The following MAOA variants were observed in gnomAD, a reference collection of about 807,000 sequenced individuals.
MAOA encodes amine oxidase [flavin-containing] A.
Under a neutral mutation model 42.0 loss-of-function variants are expected in MAOA, and 6 were observed. That is an observed-to-expected ratio of 0.14 (90% CI 0.08 to 0.28). The LOEUF (loss-of-function observed/expected upper bound fraction) is 0.28. Ranked by LOEUF, MAOA falls within the 10% of genes least tolerant of loss-of-function variation. The probability of loss-of-function intolerance (pLI) is 1.00; values close to 1 mark genes in which losing one functional copy is unlikely to be tolerated. For missense variants in MAOA, 262 were observed against 422.3 expected, an observed-to-expected ratio of 0.62 and a Z score of 3.33; for synonymous variants, 140 against 154.0, an observed-to-expected ratio of 0.91 and a Z score of 0.67.
intron 5 of MAOA, among the ~76,000 whole-genome samples, chrX:43,721,901 C>T (rs1488111310): frequency 1.8e-5 from 2 of 110,607 alleles, no homozygotes; most frequent in East Asian, 2.8e-4. Flanking sequence ...CATGTGTTCT[C>T]GTTGTTCAAC....
intron 6 of MAOA, among the ~76,000 whole-genome samples, chrX:43,729,886 A>G (rs913105065): frequency 9.0e-6 from 1 of 111,418 alleles, no homozygotes; most frequent in Non-Finnish European, 1.9e-5. Context: ...GAGGAGTATG[A>G]TTGAGGAATC....
At chrX:43,663,082 C>G (rs2033248364) in intron 1 of MAOA, among the ~76,000 whole-genome samples, 1 of 111,532 alleles carries the variant, frequency 9.0e-6, no homozygotes, top group African/African-American at 3.3e-5. Context: ...TGTGATATAT[C>G]TTCTGGTATG....
chrX:43,662,174 T>A (rs1412494008), intron 1 of MAOA, among the ~76,000 whole-genome samples: 1 of 111,622 alleles, frequency 9.0e-6, no homozygotes, highest in Non-Finnish European at 1.9e-5. Context: ...CCACTTATTT[T>A]TGGTGTCTTA....
At chrX:43,741,673 G>T (rs1182313978) in intron 11 of MAOA, among the ~76,000 whole-genome samples, 1 of 111,131 alleles carries the variant, frequency 9.0e-6, no homozygotes, top group Non-Finnish European at 1.9e-5. Context: ...TTCAGAATCT[G>T]CATGGATGGA....
At position 43,744,825 on chromosome X, in the gene MAOA, G is replaced by A; in HGVS notation, c.*312G>A. The A allele has an allele frequency of 1.6e-5, 5 of 317,055 alleles. No homozygotes were observed. The highest frequency in any genetic ancestry group is 6.4e-5 in the East Asian group (1 of 15,636). The allele number at this position is 317,055 out of a possible 1,213,427, so 26.1% of individuals were successfully genotyped here. On this transcript the variant is annotated 3_prime_UTR_variant, in exon 15 of 15. Transcript: ENST00000338702. ...TCATCAGAAACAATTTCTGTGTCCT[G>A]TTTTTATTCCCTTCAATGCAAAATA...
intron 5 of MAOA, among the ~76,000 whole-genome samples, chrX:43,726,810 G>T (rs181731173): frequency 8.9e-6 from 1 of 112,195 alleles, no homozygotes; most frequent in East Asian, 2.8e-4. Context: ...CACCTTTGTG[G>T]TTTTATCTAC....
intron 1 of MAOA, among the ~76,000 whole-genome samples, chrX:43,680,196 T>C (rs910926956): frequency 7.9e-4 from 88 of 111,737 alleles, no homozygotes; most frequent in Non-Finnish European, 2.3e-4. Context: ...TTTAAGATAT[T>C]TTAGATCTTG....
intron 2 of MAOA, 88 bp from the exon 3 acceptor site, chrX:43,693,203 A>T: frequency 2.1e-6 from 2 of 973,153 alleles, no homozygotes; most frequent in South Asian, 2.0e-5. Flanking sequence ...ATTAACTTTT[A>T]AAAAAATAAA....
chrX:43,697,354 T>A (rs1010089932), intron 3 of MAOA, among the ~76,000 whole-genome samples: 4 of 111,462 alleles, frequency 3.6e-5, no homozygotes, highest in Admixed American at 1.9e-4. Context: ...CTGGTGACCA[T>A]TTTGCTCAAT....
chrX:43,722,879 G>C (rs992635570), intron 5 of MAOA, among the ~76,000 whole-genome samples: 3 of 111,644 alleles, frequency 2.7e-5, no homozygotes, highest in African/African-American at 9.8e-5. Flanking sequence ...TGTAAGGAAG[G>C]GATCCAATTT....
At chrX:43,676,567 G>C (rs1304936406) in intron 1 of MAOA, among the ~76,000 whole-genome samples, 1 of 111,552 alleles carries the variant, frequency 9.0e-6, no homozygotes, top group Non-Finnish European at 1.9e-5. Flanking sequence ...GACCAGAGCT[G>C]TTCCTATTCG....
chrX:43,739,721 T>C (rs1360966671), intron 10 of MAOA, among the ~76,000 whole-genome samples: 1 of 112,433 alleles, frequency 8.9e-6, no homozygotes, highest in Non-Finnish European at 1.9e-5. Flanking sequence ...CAAATATTTT[T>C]CCAGTTGCTT....
intron 3 of MAOA, among the ~76,000 whole-genome samples, chrX:43,696,843 A>T (rs903424497): frequency 4.4e-5 from 5 of 112,918 alleles, no homozygotes; most frequent in African/African-American, 1.6e-4. Flanking sequence ...ACATCAACAC[A>T]ATGGTAATAT....
At chrX:43,662,773 T>C (rs7880230) in intron 1 of MAOA, among the ~76,000 whole-genome samples, 6,783 of 110,871 alleles carry the variant, frequency 0.061, 546 homozygotes, top group African/African-American at 0.21. Flanking sequence ...TTAAGGAATA[T>C]ACTTGTATGT....
intron 2 of MAOA, among the ~76,000 whole-genome samples, chrX:43,686,520 C>T (rs1032774450): frequency 1.1e-4 from 12 of 112,473 alleles, no homozygotes; most frequent in East Asian, 5.6e-4. Context: ...GCATGGAGGC[C>T]GGGCATGGTG....
chrX:43,669,683 G>A (rs896369975), intron 1 of MAOA, among the ~76,000 whole-genome samples: 8 of 111,368 alleles, frequency 7.2e-5, no homozygotes, highest in African/African-American at 2.6e-4. Flanking sequence ...TAATGCTACT[G>A]TTGTTTCACC....
chrX:43,660,745 T>C (rs2033226083), intron 1 of MAOA, among the ~76,000 whole-genome samples: 1 of 111,793 alleles, frequency 8.9e-6, no homozygotes, highest in Non-Finnish European at 1.9e-5. Context: ...CTATCTCTTA[T>C]TTCATGATTT....
At chrX:43,712,445 T>C (rs754803023) in intron 4 of MAOA, among the ~76,000 whole-genome samples, 101 of 111,845 alleles carry the variant, frequency 9.0e-4, no homozygotes, top group Non-Finnish European at 1.4e-3. Flanking sequence ...ATGATAATTG[T>C]CATCATTATA....
chrX:43,660,049 T>C (rs764935095), intron 1 of MAOA, among the ~76,000 whole-genome samples: 63 of 111,697 alleles, frequency 5.6e-4, no homozygotes, highest in Non-Finnish European at 1.1e-3. Context: ...ACCCATTAGG[T>C]AATTTCTCAT....
Sources: allele counts gnomAD v4.1 joint callset (sites outside exome capture counted in the v4.1 genomes callset), GRCh38; gene constraint gnomAD v4.1.1; transcripts MANE v1.5; gene names NCBI Gene and HGNC (gene_info 2026-07-23, HGNC 2026-07-21).